Variants in MYBPC2 observed in about 807,000 individuals in gnomAD.
MYBPC2 encodes the protein myosin binding protein C2, also known as myosin-binding protein C, fast-type.
Under a neutral mutation model 137.0 loss-of-function variants are expected in MYBPC2, and 122 were observed. The ratio of observed to expected loss-of-function variants is 0.89; its 90% CI spans 0.77 to 1.03. MYBPC2 has a LOEUF of 1.03. Ranked by LOEUF, MYBPC2 falls within the 50% of genes least tolerant of loss-of-function variation. The pLI is 0.00. For missense variants in MYBPC2, 1,500 were observed against 1,534.4 expected (o/e 0.98, Z 0.37); for synonymous variants, 626 against 612.3 (o/e 1.02, Z -0.33).
chr19:50,460,157 A>G lies in MYBPC2; in HGVS notation c.2909A>G (p.Gln970Arg). The G allele has an allele frequency of 6.2e-7, 1 of 1,601,368 alleles. No homozygotes were observed. The highest frequency in any genetic ancestry group is 1.3e-5 in the African/African-American group (1 of 74,796). ...GNSEIMGYFV[Q>R]KADKKTMEWF... ...AGTGAGATCATGGGGTATTTCGTCC[A>G]GAAAGCAGACAAAAAAACCATGGTG... Residue 970 changes from glutamine (Q) to arginine (R), a missense_variant, in exon 24 of 28, where the codon CAG becomes CGG. Physicochemically the swap from Gln to Arg is conservative, Grantham distance 43 (BLOSUM62 1). Transcript: ENST00000357701.
chr19:50,433,841 C>T (rs975464103), intron 1 of MYBPC2, among the ~76,000 whole-genome samples: 1 of 152,096 alleles, frequency 6.6e-6, no homozygotes, highest in Non-Finnish European at 1.5e-5. Flanking sequence ...TCTGGGATAC[C>T]GAGGCAGGAG....
Position 50,441,207 on chromosome 19 carries a change from C to T in MYBPC2, c.769+131C>T, listed in dbSNP as rs111323567. On this transcript the variant is annotated intron_variant, in intron 8 of 27. Coordinates refer to ENST00000357701, the MANE Select transcript of MYBPC2 (RefSeq NM_004533.4). ...GGTAGGAGGCAAGACCCAACTCTAG[C>T]GGTGGGCCTCGGACACCAGACCAAA... 302 of 968,980 alleles carry T rather than the reference C, an allele frequency of 3.1e-4. 1 individual carries two copies. In the African/African-American group the frequency reaches 4.5e-3, roughly 14 times the overall value. 60.0% of individuals were successfully genotyped at this position (968,980 alleles called of 1,614,324 possible).
At chr19:50,436,236 TGCCTGAG>T in intron 4 of MYBPC2, 76 bp downstream of exon 4, 2 of 1,505,168 alleles carry the variant, frequency 1.3e-6, no homozygotes, top group Non-Finnish European at 1.8e-6. Context: ...GAAGCCCTGT[TGCCTGAG>T]GCATCAATGT....
Position 50,454,119 on chromosome 19 carries a change from A to G in MYBPC2, c.1849A>G (p.Thr617Ala), listed in dbSNP as rs1453177458. The change falls in exon 17 of 28, where the codon ACC (threonine) becomes GCC (alanine). Residue 617 changes from threonine (T) to alanine (A), a missense_variant. Thr to Ala is a moderately conservative substitution (Grantham distance 58). Transcript: ENST00000357701. ...GCAGCGGGAAGACGAGGGCCGCTAC[A>G]CCATCAAGGTCACCAACCCCGTCGG... ...SAQREDEGRY[T>A]IKVTNPVGED... is the part of the protein sequence containing the mutation. The G allele has an allele frequency of 6.2e-7, 1 of 1,613,280 alleles. No homozygotes were observed. Among genetic ancestry groups the G allele is most frequent in the East Asian group, 2.2e-5 (1 of 44,850 alleles).
intron 12 of MYBPC2, 57 bp downstream of exon 12, chr19:50,446,109 T>G: frequency 1.9e-6 from 3 of 1,556,032 alleles, no homozygotes; most frequent in Non-Finnish European, 2.6e-6. Context: ...CCACACAGCT[T>G]GAGGTTGCTC....
intron 24 of MYBPC2, among the ~76,000 whole-genome samples, 181 bp from the exon 25 acceptor site, chr19:50,461,361 C>T (rs2039969823): frequency 6.6e-6 from 1 of 152,176 alleles, no homozygotes; most frequent in South Asian, 2.1e-4. Context: ...GTTTGTCCAT[C>T]CCTGCGCTGA....
chr19:50,462,145 C>G, intron 26 of MYBPC2, 109 bp downstream of exon 26: 1 of 1,401,998 alleles, frequency 7.1e-7, no homozygotes, highest in Admixed American at 3.0e-5. Context: ...AGTTCTCTGT[C>G]TCAAGGGATT....
Position 50,440,934 on chromosome 19 carries a change from C to A in MYBPC2, c.627C>A (p.Gly209=), listed in dbSNP as rs972895601. 1.4e-5 allele frequency: 23 copies of A among 1,613,776 alleles called. No individual in the cohort carries two copies. The highest frequency in any genetic ancestry group is 1.9e-5 in the Non-Finnish European group (23 of 1,179,806). ...KKKKKDDDDL[G]IPPEIWELLK... is the part of the protein sequence containing the mutation. ...AAAAGAAAGATGACGATGACCTAGG[C>A]ATCCCCCCGGAGATTTGGGAGCTCC... Residue 209 remains glycine (G), a synonymous_variant, in exon 8 of 28, where the codon GGC becomes GGA. Transcript: ENST00000357701.
At chr19:50,438,694 T>C (rs1236918185) in intron 7 of MYBPC2, among the ~76,000 whole-genome samples, 2 of 151,902 alleles carry the variant, frequency 1.3e-5, no homozygotes, top group African/African-American at 4.8e-5. Context: ...AGGGAGACCC[T>C]GACTCTACAA....
Position 50,436,145 on chromosome 19 carries a change from C to A in MYBPC2, c.330C>A (p.His110Gln). Residue 110 changes from histidine (H) to glutamine (Q), a missense_variant, in exon 4 of 28, where the codon CAC becomes CAA. His to Gln is a conservative substitution (Grantham distance 24, BLOSUM62 0). Coordinates refer to ENST00000357701, the MANE Select transcript of MYBPC2 (RefSeq NM_004533.4). ...CCCGCTTCTCCTTCAAGGAGTCCCACAACTCCGCCAGCAATGTGAGGACCC... is the reference window on the plus strand; with the variant it reads ...CCCGCTTCTCCTTCAAGGAGTCCCAAAACTCCGCCAGCAATGTGAGGACCC... ...SGARFSFKES[H>Q]NSASNVYTVE... 6.3e-7 allele frequency: 1 copy of A among 1,581,856 alleles called. No individual in the cohort carries two copies. The highest frequency in any genetic ancestry group is 8.6e-7 in the Non-Finnish European group (1 of 1,164,264).
In MYBPC2 at chr19:50,461,700, A is replaced by G. The variant is rs2039973386; in HGVS notation, c.3090A>G (p.Thr1030=). Residue 1030 remains threonine, a splice_region_variant and synonymous_variant, in exon 25 of 28, where the codon ACA becomes ACG. Coordinates refer to ENST00000357701, the MANE Select transcript of MYBPC2 (RefSeq NM_004533.4). ...VSKNTARILK[T]GITFKPFEYK... ...AGAACACGGCCCGCATCCTCAAGAC[A>G]GGTACAGCCATCCTGCCCCACAGCC... is the stretch of plus-strand genomic sequence containing the variant. 2 of 1,611,982 alleles carry G rather than the reference A, an allele frequency of 1.2e-6. No homozygotes were observed. Among genetic ancestry groups the G allele is most frequent in the Non-Finnish European group, 1.7e-6 (2 of 1,179,598 alleles).
intron 20 of MYBPC2, among the ~76,000 whole-genome samples, chr19:50,457,680 G>GTTTTT (rs544491551): frequency 0.038 from 4,860 of 126,290 alleles, 157 homozygotes; most frequent in Non-Finnish European, 0.054. Flanking sequence ...CCTGGGGAAA[G>GTTTTT]TTTTTTTTTT....
rs375017024 is a variant in MYBPC2 at position 50,464,499 on chromosome 19, G to A, written c.3382G>A (p.Glu1128Lys). The A allele has an allele frequency of 5.6e-6, 9 of 1,612,274 alleles. No individual in the cohort carries two copies. Among genetic ancestry groups the A allele is most frequent in the African/African-American group, 2.7e-5 (2 of 74,926 alleles). The change falls in exon 27 of 28, where the codon GAG (glutamate) becomes AAG (lysine). Residue 1128 changes from glutamate to lysine, a missense_variant. By Grantham distance (56) the Glu-to-Lys change is moderately conservative. Transcript: ENST00000357701. ...CTGCCGGGCCGTCAACGAGCTGGGC[G>A]AGGCGCTGGCTGAGTGCAAGCTGGA... ...YTCRAVNELG[E>K]ALAECKLEVR...
In MYBPC2 at chr19:50,453,946, G is replaced by A. The variant is rs535415852; in HGVS notation, c.1750-74G>A. On this transcript the variant is annotated intron_variant, in intron 16 of 27. Coordinates refer to ENST00000357701, the MANE Select transcript of MYBPC2 (RefSeq NM_004533.4). ...GGAATCATGGGAGGATTCTGAGCAG[G>A]GGAATGGCAGAGGCAGGCCTGGGTT... The A allele has an allele frequency of 5.8e-5, 86 of 1,479,438 alleles. No individual in the cohort carries two copies. In the Middle Eastern group the frequency reaches 7.2e-4, roughly 12 times the overall value. The allele number at this position is 1,479,438 out of a possible 1,614,324, so 91.6% of individuals were successfully genotyped here.
At chr19:50,448,433 T>C in intron 13 of MYBPC2, 43 bp downstream of exon 13, 1 of 1,592,802 alleles carries the variant, frequency 6.3e-7, no homozygotes, top group African/African-American at 1.3e-5. Flanking sequence ...AGGGTGTGCA[T>C]AGCAGTTAGC....
chr19:50,463,691 C>A (rs1439596556), intron 26 of MYBPC2, among the ~76,000 whole-genome samples: 4 of 152,102 alleles, frequency 2.6e-5, no homozygotes, highest in African/African-American at 9.7e-5. Flanking sequence ...GTAATCCCAG[C>A]ACTTTGGGAG....
chr19:50,451,912 C>A lies in MYBPC2; in HGVS notation c.1658C>A (p.Ala553Glu), dbSNP rs11879768. The A allele has an allele frequency of 1.3e-6, 2 of 1,585,290 alleles. No homozygotes were observed. The highest frequency in any genetic ancestry group is 1.7e-6 in the Non-Finnish European group (2 of 1,165,164). ...TGCTCGGGGAAGACCTCAGAGAATG[C>A]GATTGTGGTTGTGGCTGGAAACAAG... ...LDCSGKTSEN[A>E]IVVVAGNKLR... is the part of the protein sequence containing the mutation. The change falls in exon 16 of 28, where the codon GCG (alanine) becomes GAG (glutamate). Residue 553 changes from alanine (A) to glutamate (E), a missense_variant. By Grantham distance (107) the Ala-to-Glu change is moderately radical. Transcript: ENST00000357701.
At chr19:50,449,891 C>T (rs1042782059) in intron 13 of MYBPC2, among the ~76,000 whole-genome samples, 1 of 152,074 alleles carries the variant, frequency 6.6e-6, no homozygotes, top group East Asian at 1.9e-4. Flanking sequence ...CATGGTGGCT[C>T]ACACCTATAA....
chr19:50,433,931 C>G (rs1001919090), intron 1 of MYBPC2, among the ~76,000 whole-genome samples: 7 of 151,482 alleles, frequency 4.6e-5, no homozygotes, highest in Non-Finnish European at 7.4e-5. Context: ...AAAAATCAGC[C>G]AGGTGTGGTG....
Sources: allele counts gnomAD v4.1 joint callset (sites outside exome capture counted in the v4.1 genomes callset), GRCh38; gene constraint gnomAD v4.1.1; transcripts MANE v1.5; gene names NCBI Gene and HGNC (gene_info 2026-07-23, HGNC 2026-07-21).